Variants in TRIP12 observed in about 807,000 individuals in gnomAD.
The protein encoded by TRIP12 is thyroid hormone receptor interactor 12.
A neutral mutation model predicts 244.2 loss-of-function variants in TRIP12; 25 were observed. The observed-to-expected ratio is 0.10, with a 90% CI of 0.07 to 0.14. The LOEUF (loss-of-function observed/expected upper bound fraction) is 0.14, where lower values mean the gene tolerates loss of function less well. TRIP12 is among the 10% of genes least tolerant of loss of function. The pLI, the probability that TRIP12 is intolerant of heterozygous loss-of-function variation, is 1.00. For synonymous variants in TRIP12, 905 were observed against 873.1 expected (o/e 1.04, Z -0.64); for missense variants, 1,677 against 2,486.4 (o/e 0.67, Z 6.92).
intron 4 of TRIP12, among the ~76,000 whole-genome samples, chr2:229,855,350 C>T (rs779435441): frequency 3.3e-5 from 5 of 152,128 alleles, no homozygotes; most frequent in Non-Finnish European, 4.4e-5. Flanking sequence ...GTAAGGTATT[C>T]AGAACTGTCA....
chr2:229,919,962 AC>A (rs1341028016), intron 1 of TRIP12, among the ~76,000 whole-genome samples: 1 of 152,260 alleles, frequency 6.6e-6, no homozygotes, highest in African/African-American at 2.4e-5. Context: ...TAAAACTTAC[AC>A]TTAATATTGA....
At chr2:229,894,615 AGAAG>A (rs1025637220) in intron 1 of TRIP12, among the ~76,000 whole-genome samples, 1 of 152,212 alleles carries the variant, frequency 6.6e-6, no homozygotes, top group Non-Finnish European at 1.5e-5. Context: ...AGGAGAGAAG[AGAAG>A]GAAGGGGAAA....
At chr2:229,865,365 T>C (rs1185376666) in intron 2 of TRIP12, among the ~76,000 whole-genome samples, 1 of 145,296 alleles carries the variant, frequency 6.9e-6, no homozygotes, top group Non-Finnish European at 1.5e-5. Context: ...AGCAAAATGC[T>C]GTCTCAATGT....
rs747910215 is a variant in TRIP12 at position 229,880,055 on chromosome 2, G to A, written c.25C>T (p.Pro9Ser). 2 of 1,614,030 alleles carry A rather than the reference G, an allele frequency of 1.2e-6. No individual in the cohort carries two copies. The highest frequency in any genetic ancestry group is 2.2e-5 in the South Asian group (2 of 91,078). ...TGTGAACGTCGCAGTGACCCCCCTGGATTGTTATTAGGCCGGTTGGACATT... is the reference window on the plus strand; with the variant it reads ...TGTGAACGTCGCAGTGACCCCCCTGAATTGTTATTAGGCCGGTTGGACATT... MSNRPNNN[P>S]GGSLRRSQRN... Residue 9 changes from proline to serine, a missense_variant, in exon 2 of 42, where the codon CCA becomes TCA. Transcript: ENST00000675903.
intron 1 of TRIP12, among the ~76,000 whole-genome samples, chr2:229,910,455 A>G (rs1030959445): frequency 6.6e-5 from 10 of 152,234 alleles, no homozygotes; most frequent in Admixed American, 2.6e-4. Context: ...TCCAGCAAAC[A>G]TAAGTTTACC....
intron 18 of TRIP12, 93 bp downstream of exon 18, chr2:229,805,637 A>AAATTGTGG: frequency 8.0e-7 from 1 of 1,256,940 alleles, no homozygotes; most frequent in Non-Finnish European, 1.0e-6. Context: ...TCTTAAGCTT[A>AAATTGTGG]AAAAGATACT....
Position 229,808,213 on chromosome 2 carries a change from G to A in TRIP12, c.2339+39C>T, listed in dbSNP as rs189837991. 2.5e-4 allele frequency: 366 copies of A among 1,454,664 alleles called. 5 individuals are homozygous for A. The Middle Eastern group carries it at 0.012, about 50-fold the overall frequency. 90.1% of individuals were successfully genotyped at this position (1,454,664 alleles called of 1,614,324 possible). A position where few individuals can be genotyped will look rare whatever the true frequency, so the allele number is the denominator to read the frequency against. Reference sequence around the variant, plus strand: ...GAACTCCTGACCTCGTGATTCACCCGCCTTGGCCTCCCAAAGTGATATTTA... The same window carrying A: ...GAACTCCTGACCTCGTGATTCACCCACCTTGGCCTCCCAAAGTGATATTTA... On this transcript the variant is annotated intron_variant, in intron 16 of 41. Coordinates refer to ENST00000675903, the MANE Select transcript of TRIP12 (RefSeq NM_001348323.3).
intron 7 of TRIP12, among the ~76,000 whole-genome samples, chr2:229,830,194 A>G (rs1575619557): frequency 6.6e-6 from 1 of 152,348 alleles, no homozygotes; most frequent in East Asian, 1.9e-4. Context: ...TTGTGTATAC[A>G]CTATACATTC....
chr2:229,769,419 A>C, intron 39 of TRIP12, 94 bp from the exon 40 acceptor site: 1 of 1,062,692 alleles, frequency 9.4e-7, no homozygotes, highest in Non-Finnish European at 1.4e-6. Flanking sequence ...AAAGAGTATC[A>C]GTCTCAGTAC....
chr2:229,785,917 G>A, intron 33 of TRIP12, 62 bp from the exon 34 acceptor site: 1 of 1,425,634 alleles, frequency 7.0e-7, no homozygotes, highest in Non-Finnish European at 9.5e-7. Flanking sequence ...TTAATAAACA[G>A]GTGGCATTTC....
At position 229,805,845 on chromosome 2, in the gene TRIP12, G is replaced by A; in HGVS notation, c.2535C>T (p.Ser845=). ...CAATAGTATAAACTCGTCCCAGAGT[G>A]GACAAGCTTATCTCATCCTCACCGA... The part of the protein sequence containing the change: ...HQVGEDEISL[S]TLGRVYTIDF... The change falls in exon 18 of 42, where the codon TCC becomes TCT. Residue 845 remains serine (S), a synonymous_variant. Transcript: ENST00000675903. 6.2e-7 allele frequency: 1 copy of A among 1,601,442 alleles called. No individual in the cohort carries two copies. The highest frequency in any genetic ancestry group is 2.2e-5 in the East Asian group (1 of 44,644).
At chr2:229,801,388 G>C (rs1306984430) in intron 21 of TRIP12, among the ~76,000 whole-genome samples, 1 of 152,190 alleles carries the variant, frequency 6.6e-6, no homozygotes, top group Non-Finnish European at 1.5e-5. Flanking sequence ...TCCTACCTGA[G>C]TTGGCTGCCT....
intron 8 of TRIP12, among the ~76,000 whole-genome samples, chr2:229,826,443 T>TA (rs1382351854): frequency 3.9e-5 from 6 of 152,242 alleles, no homozygotes; most frequent in African/African-American, 1.4e-4. Context: ...ATTGGGTATC[T>TA]ATTATTAAGA....
rs200742790 is a variant in TRIP12 at position 229,859,081 on chromosome 2, A to C, written c.718T>G (p.Ser240Ala). Residue 240 changes from serine (S) to alanine (A), a missense_variant, in exon 4 of 42, where the codon TCT becomes GCT. Around this residue, in one of 11 missense-constraint regions of TRIP12, gnomAD observed 387 missense variants for 392.6 expected, o/e 0.99. Coordinates refer to ENST00000675903, the MANE Select transcript of TRIP12 (RefSeq NM_001348323.3). ...AGCSTITDSS[S>A]AASTSSSSSA... ...GACGAGGAGGAAGTAGAGGCAGCAGAAGAAGAATCAGTGATGGTGCTACAC... is the reference window on the plus strand; with the variant it reads ...GACGAGGAGGAAGTAGAGGCAGCAGCAGAAGAATCAGTGATGGTGCTACAC... The C allele has an allele frequency of 1.1e-4, 177 of 1,614,194 alleles. 2 individuals are homozygous for C. In the East Asian group the frequency reaches 1.5e-3, roughly 14 times the overall value.
At chr2:229,791,723 T>C (rs1223140742) in intron 29 of TRIP12, 143 bp downstream of exon 29, 1 of 826,192 alleles carries the variant, frequency 1.2e-6, no homozygotes, top group Non-Finnish European at 1.9e-6. Flanking sequence ...ATCAAATATT[T>C]GAAATCGTCT....
In TRIP12 at chr2:229,829,294, G is replaced by A; in HGVS notation, c.1355-6C>T. The A allele has an allele frequency of 1.9e-6, 3 of 1,604,310 alleles. No homozygotes were observed. Among genetic ancestry groups the A allele is most frequent in the African/African-American group, 1.3e-5 (1 of 74,284 alleles). ...ACCCCTTGCCTCTAACAAAGCTAAA[G>A]AAAAAAGAAGGGCAGAGTGAACAAC... On this transcript the variant is annotated splice_polypyrimidine_tract_variant and splice_region_variant and intron_variant, in intron 7 of 41. Coordinates refer to ENST00000675903, the MANE Select transcript of TRIP12 (RefSeq NM_001348323.3).
chr2:229,854,922 T>C (rs2059330260), intron 4 of TRIP12, among the ~76,000 whole-genome samples: 1 of 152,178 alleles, frequency 6.6e-6, no homozygotes, highest in East Asian at 1.9e-4. Flanking sequence ...CAGGTAACTT[T>C]ACTAATGATC....
intron 4 of TRIP12, among the ~76,000 whole-genome samples, chr2:229,843,906 G>C (rs902954918): frequency 6.6e-6 from 1 of 151,574 alleles, no homozygotes; most frequent in African/African-American, 2.4e-5. Context: ...AAGGAAGGGA[G>C]GGGAGAAGAA....
chr2:229,886,574 G>A (rs916393846), intron 1 of TRIP12, among the ~76,000 whole-genome samples: 3 of 151,358 alleles, frequency 2.0e-5, no homozygotes, highest in African/African-American at 7.3e-5. Flanking sequence ...CGATTCTTCT[G>A]CCTCACCTCA....
Sources: allele counts gnomAD v4.1 joint callset (sites outside exome capture counted in the v4.1 genomes callset), GRCh38; gene constraint gnomAD v4.1.1; regional missense constraint gnomAD v4.1.1; transcripts MANE v1.5; gene names NCBI Gene and HGNC (gene_info 2026-07-23, HGNC 2026-07-21).